The following KLHL41 variants were observed in gnomAD, a reference collection of about 807,000 sequenced individuals.
KLHL41 encodes kelch-like protein 41.
A neutral mutation model predicts 49.2 loss-of-function variants in KLHL41; 31 were observed. The ratio of observed to expected loss-of-function variants is 0.63; its 90% CI spans 0.47 to 0.85. KLHL41 has a LOEUF of 0.85. KLHL41 is among the 40% of genes least tolerant of loss of function. KLHL41 has a pLI of 0.00. For missense variants in KLHL41, 663 were observed against 726.7 expected, an observed-to-expected ratio of 0.91 and a Z score of 1.01; for synonymous variants, 218 against 258.5, an observed-to-expected ratio of 0.84 and a Z score of 1.50.
intron 1 of KLHL41, among the ~76,000 whole-genome samples, chr2:169,512,548 C>T (rs1248414208): frequency 6.6e-6 from 1 of 152,126 alleles, no homozygotes; most frequent in Non-Finnish European, 1.5e-5. Context: ...CTCTTCCAGC[C>T]TAATAAAACC....
chr2:169,513,016 G>T (rs1002032876), intron 1 of KLHL41, among the ~76,000 whole-genome samples: 2 of 152,150 alleles, frequency 1.3e-5, no homozygotes, highest in Non-Finnish European at 2.9e-5. Flanking sequence ...ACTCAGAGAA[G>T]TTAAATAGCT....
chr2:169,524,588 G>C (rs557733387), intron 5 of KLHL41, among the ~76,000 whole-genome samples: 3 of 151,852 alleles, frequency 2.0e-5, no homozygotes, highest in Non-Finnish European at 2.9e-5. Context: ...AGTAGAGACG[G>C]GGTTTTGCCA....
intron 1 of KLHL41, among the ~76,000 whole-genome samples, chr2:169,511,557 T>G (rs1453769794): frequency 1.3e-5 from 2 of 152,220 alleles, no homozygotes; most frequent in Non-Finnish European, 2.9e-5. Context: ...TCCCTGAACT[T>G]CATTTGAAGT....
Position 169,509,949 on chromosome 2 carries a change from C to T in KLHL41, c.171C>T (p.Tyr57=), listed in dbSNP as rs1684004053. The T allele has an allele frequency of 5.0e-6, 8 of 1,614,138 alleles. No homozygotes were observed. Among genetic ancestry groups the T allele is most frequent in the East Asian group, 2.2e-5 (1 of 44,884 alleles). ...TGATTTTGTCAGCTTGTAGTCCTTA[C>T]TTCCGTGAGTACTTTTTATCTGAAA... is the stretch of plus-strand genomic sequence containing the variant. ...HRLILSACSP[Y]FREYFLSEID... Residue 57 remains tyrosine (Y), a synonymous_variant, in exon 1 of 6, where the codon TAC becomes TAT. Coordinates refer to ENST00000284669, the MANE Select transcript of KLHL41 (RefSeq NM_006063.3).
At chr2:169,513,785 G>A (rs1684066392) in intron 1 of KLHL41, among the ~76,000 whole-genome samples, 2 of 152,164 alleles carry the variant, frequency 1.3e-5, no homozygotes, top group South Asian at 4.1e-4. Context: ...AAAATGAAAA[G>A]TGTAAAATAT....
In KLHL41 at chr2:169,510,501, A is replaced by C. The variant is rs1371542251; in HGVS notation, c.723A>C (p.Ile241=). 6.2e-7 allele frequency: 1 copy of C among 1,613,922 alleles called. No individual in the cohort carries two copies. The highest frequency in any genetic ancestry group is 1.7e-5 in the Admixed American group (1 of 59,958). ...YFKDHVEKDD[I]IKSNPDLQKK... is the part of the protein sequence containing the mutation. Reference sequence around the variant, plus strand: ...AGGATCATGTTGAGAAAGATGATATAATTAAAAGCAACCCAGACCTCCAGA... The same window carrying C: ...AGGATCATGTTGAGAAAGATGATATCATTAAAAGCAACCCAGACCTCCAGA... The change falls in exon 1 of 6, where the codon ATA becomes ATC. Residue 241 remains isoleucine, a synonymous_variant. Transcript: ENST00000284669. This position sits in a 1 kb window ranked among gnomAD's most constrained non-coding sequence, Gnocchi z 4.2.
intron 1 of KLHL41, among the ~76,000 whole-genome samples, chr2:169,513,088 GC>G (rs1684055240): frequency 6.6e-6 from 1 of 152,134 alleles, no homozygotes; most frequent in Non-Finnish European, 1.5e-5. Flanking sequence ...TAGAGAAAGT[GC>G]CCTCTAACAG....
chr2:169,510,546 AG>A lies in KLHL41; in HGVS notation c.769del (p.Asp257MetfsTer22). ...DLQKKIKVLK[D>X]AFAGKLPEPS... ...TCCAGAAAAAAATCAAAGTTCTAAA[AG>A]ATGCTTTCGCAGGCAAACTCCCAGA... On this transcript the variant is annotated frameshift_variant, in exon 1 of 6. Coordinates refer to ENST00000284669, the MANE Select transcript of KLHL41 (RefSeq NM_006063.3). LOFTEE classifies it high-confidence loss of function. This position sits in a 1 kb window ranked among gnomAD's most constrained non-coding sequence, Gnocchi z 4.2. 1 of 1,614,088 alleles carries A rather than the reference AG, an allele frequency of 6.2e-7. No homozygotes were observed. The highest frequency in any genetic ancestry group is 8.5e-7 in the Non-Finnish European group (1 of 1,180,000).
Position 169,510,007 on chromosome 2 carries a change from G to A in KLHL41, c.229G>A (p.Asp77Asn), listed in dbSNP as rs1222243445. ...GGCGAAAAAAAAGGAGGTAGTGCTA[G>A]ACAATGTGGATCCTGCTATACTTGA... The part of the protein sequence containing the change: ...DEAKKKEVVL[D>N]NVDPAILDLI... The change falls in exon 1 of 6, where the codon GAC becomes AAC. Residue 77 changes from aspartate (D) to asparagine (N), a missense_variant. Asp to Asn is a conservative substitution (Grantham distance 23). Around this residue, in one of 3 missense-constraint regions of KLHL41, gnomAD observed 129 missense variants for 122.1 expected, o/e 1.06. Transcript: ENST00000284669. The surrounding 1 kb of genome is among the most constrained non-coding windows in gnomAD (Gnocchi z 4.2). The A allele has an allele frequency of 1.9e-6, 3 of 1,614,076 alleles. No individual in the cohort carries two copies. The highest frequency in any genetic ancestry group is 8.5e-7 in the Non-Finnish European group (1 of 1,180,046).
chr2:169,510,890 TAAG>T lies in KLHL41; in HGVS notation c.1110+6_1110+8del, dbSNP rs1186579373. 8 of 1,609,058 alleles carry T rather than the reference TAAG, an allele frequency of 5.0e-6. No homozygotes were observed. In the African/African-American group the frequency reaches 6.7e-5, roughly 13 times the overall value. ...CCTCTACAGTCATACTTCTTCCAGG[TAAG>T]AAGGACTTTTTGTATATGTAGTTGC... On this transcript the variant is annotated splice_donor_5th_base_variant and intron_variant, in intron 1 of 5. Transcript: ENST00000284669. The surrounding 1 kb of genome is among the most constrained non-coding windows in gnomAD (Gnocchi z 4.2).
intron 3 of KLHL41, among the ~76,000 whole-genome samples, chr2:169,516,672 A>C (rs1035552987): frequency 3.3e-5 from 5 of 152,238 alleles, no homozygotes; most frequent in Non-Finnish European, 7.3e-5. Flanking sequence ...ATTAACTAAC[A>C]CAACACTGCT....
At chr2:169,520,211 G>A (rs1036170814) in intron 4 of KLHL41, among the ~76,000 whole-genome samples, 1 of 103,416 alleles carries the variant, frequency 9.7e-6, no homozygotes, top group Non-Finnish European at 1.8e-5. Flanking sequence ...TGTGTGTGTA[G>A]ACAGTCCATT....
chr2:169,519,915 C>T (rs1684172537), intron 4 of KLHL41, among the ~76,000 whole-genome samples: 1 of 151,810 alleles, frequency 6.6e-6, no homozygotes, highest in Non-Finnish European at 1.5e-5. Flanking sequence ...ATATTGAAGG[C>T]TTTATATTTA....
chr2:169,511,010 G>C, intron 1 of KLHL41, 122 bp downstream of exon 1: 1 of 798,764 alleles, frequency 1.3e-6, no homozygotes, highest in Non-Finnish European at 2.0e-6. Context: ...TCCTATTCCA[G>C]TCCCTTGCAC....
chr2:169,511,034 A>T, intron 1 of KLHL41, 146 bp downstream of exon 1: 1 of 666,404 alleles, frequency 1.5e-6, no homozygotes, highest in Non-Finnish European at 2.5e-6. Context: ...TGCTGTATAG[A>T]GCGTTGACAG....
In KLHL41 at chr2:169,526,046, G is replaced by C. The variant is rs538797740; in HGVS notation, c.*350G>C. ...TTAAACTGATTTTCTATTACAATTG[G>C]AAGTGGAGAATATGTGCATCTACAC... On this transcript the variant is annotated 3_prime_UTR_variant, in exon 6 of 6. Transcript: ENST00000284669. 1 of 161,988 alleles carries C rather than the reference G, an allele frequency of 6.2e-6. No homozygotes were observed. The highest frequency in any genetic ancestry group is 1.8e-4 in the East Asian group (1 of 5,706). The allele number at this position is 161,988 out of a possible 1,614,324, so 10.0% of individuals were successfully genotyped here.
chr2:169,514,718 T>C lies in KLHL41; in HGVS notation c.1255T>C (p.Cys419Arg), dbSNP rs1684087405. 3 of 1,614,018 alleles carry C rather than the reference T, an allele frequency of 1.9e-6. No homozygotes were observed. The highest frequency in any genetic ancestry group is 1.7e-5 in the Admixed American group (1 of 59,986). ...AGAGGCTTCGCTGGATTCAGTATTA[T>C]GCTATGATCCTGTGTAAGTTGGCAT... ...QTEASLDSVL[C>R]YDPVAAKWNE... The change falls in exon 2 of 6, where the codon TGC (cysteine) becomes CGC (arginine). Residue 419 changes from cysteine to arginine, a missense_variant. Transcript: ENST00000284669.
rs182607452 is a variant in KLHL41 at position 169,517,039 on chromosome 2, A to C, written c.1377-1151A>C. On this transcript the variant is annotated intron_variant, in intron 3 of 5. Coordinates refer to ENST00000284669, the MANE Select transcript of KLHL41 (RefSeq NM_006063.3). ...AGAAATAAATAAATAAATAAAAGTA[A>C]GTGCTGAATTGCACCAGTTCCCACT... 4.6e-4 allele frequency among the ~76,000 whole-genome samples: 70 copies of C among 152,160 alleles called. 1 individual carries two copies. Among genetic ancestry groups the C allele is most frequent in the African/African-American group, 1.5e-3 (61 of 41,526 alleles).
intron 4 of KLHL41, among the ~76,000 whole-genome samples, chr2:169,520,475 G>T (rs1245975137): frequency 6.7e-6 from 1 of 149,310 alleles, no homozygotes; most frequent in Non-Finnish European, 1.5e-5. Flanking sequence ...TTATTTAGAT[G>T]GAGTCTCGCT....
Sources: allele counts gnomAD v4.1 joint callset (sites outside exome capture counted in the v4.1 genomes callset), GRCh38; gene constraint gnomAD v4.1.1; regional missense constraint gnomAD v4.1.1; non-coding constraint Gnocchi (gnomAD v3.1); transcripts MANE v1.5; gene names NCBI Gene and HGNC (gene_info 2026-07-23, HGNC 2026-07-21).